SLC26A3: variants seen among roughly 807,000 people sequenced by gnomAD.
SLC26A3 encodes the protein chloride anion exchanger.
SLC26A3 carries 64 observed loss-of-function variants against 85.6 expected under a neutral mutation model. The ratio of observed to expected loss-of-function variants is 0.75; its 90% CI spans 0.61 to 0.92. The LOEUF (loss-of-function observed/expected upper bound fraction) is 0.92, where lower values mean the gene tolerates loss of function less well. Among genes scored for constraint, SLC26A3 ranks in the 40% least tolerant of loss-of-function variants. SLC26A3 has a pLI of 0.00. For synonymous variants in SLC26A3, 349 were observed against 336.0 expected (o/e 1.04, Z -0.42); for missense variants, 922 against 927.3 (o/e 0.99, Z 0.07).
rs981979 is a variant in SLC26A3, at chr7:107,775,412, G to C, written c.1678-540C>G. Among the ~76,000 whole-genome samples the C allele has an allele frequency of 1.1e-3, 174 of 152,012 alleles. 4 individuals carry two copies. In the South Asian group the frequency reaches 0.035, roughly 30 times the overall value. On this transcript the variant is annotated intron_variant, in intron 15 of 20. Coordinates refer to ENST00000340010, the MANE Select transcript of SLC26A3 (RefSeq NM_000111.3). Reference sequence around the variant, plus strand: ...TATTTAGTTACAGATAAGTAAGAGAGGAGGATCAAATTATGTAATAAAAAA... The same window carrying C: ...TATTTAGTTACAGATAAGTAAGAGACGAGGATCAAATTATGTAATAAAAAA...
intron 18 of SLC26A3, among the ~76,000 whole-genome samples, chr7:107,768,587 C>T (rs532825924): frequency 7.2e-5 from 11 of 152,242 alleles, no homozygotes; most frequent in Middle Eastern, 3.4e-3. Context: ...TGACAGAAAA[C>T]GTGTGGTATA....
chr7:107,774,243 T>A, intron 16 of SLC26A3, 90 bp from the exon 17 acceptor site: 1 of 1,068,836 alleles, frequency 9.4e-7, no homozygotes, highest in Non-Finnish European at 1.4e-6. Context: ...AAGCACTGAT[T>A]CTGAGTTGAG....
rs762974448 is a variant in SLC26A3, at chr7:107,767,737, A to C, written c.2205+29T>G. On this transcript the variant is annotated intron_variant, in intron 19 of 20. Transcript: ENST00000340010. ...AAGGAGTGCAGATGGCTGCTTATGC[A>C]ATTGTGAAAGTCACCAAAGAGCTGA... The C allele has an allele frequency of 1.9e-6, 3 of 1,613,400 alleles. No individual in the cohort carries two copies. In the East Asian group the frequency reaches 6.7e-5, roughly 36 times the overall value.
Position 107,786,846 on chromosome 7 carries a change from C to G in SLC26A3, c.952G>C (p.Val318Leu). The change falls in exon 8 of 21, where the codon GTT becomes CTT. Residue 318 changes from valine to leucine, a missense_variant. Coordinates refer to ENST00000340010, the MANE Select transcript of SLC26A3 (RefSeq NM_000111.3). Reference sequence around the variant, plus strand: ...ACTTACCCAGGATTCATGTCCCCAACCACAGCCACTTTAAACCTGTTTTTA... The same window carrying G: ...ACTTACCCAGGATTCATGTCCCCAAGCACAGCCACTTTAAACCTGTTTTTA... ...DFKNRFKVAV[V>L]GDMNPGFQPP... 6.2e-7 allele frequency: 1 copy of G among 1,613,364 alleles called. No homozygotes were observed. The highest frequency in any genetic ancestry group is 8.5e-7 in the Non-Finnish European group (1 of 1,179,920).
chr7:107,779,573 T>C, intron 12 of SLC26A3, 95 bp downstream of exon 12: 1 of 1,037,030 alleles, frequency 9.6e-7, no homozygotes, highest in Non-Finnish European at 1.5e-6. Flanking sequence ...AGAAACAAAA[T>C]TTCACTTAGT....
chr7:107,791,763 G>A (rs1341591578), intron 4 of SLC26A3, 67 bp downstream of exon 4: 2 of 1,006,454 alleles, frequency 2.0e-6, no homozygotes, highest in Admixed American at 3.4e-5. Context: ...ATTGATAGAA[G>A]GTATGGCTAA....
intron 6 of SLC26A3, 122 bp downstream of exon 6, chr7:107,789,402 T>C: frequency 1.0e-6 from 1 of 996,140 alleles, no homozygotes; most frequent in South Asian, 1.5e-5. Context: ...TCTTTTTTAA[T>C]ATGAAAAAAT....
intron 1 of SLC26A3, among the ~76,000 whole-genome samples, chr7:107,800,007 G>A (rs554352385): frequency 2.0e-5 from 3 of 152,248 alleles, no homozygotes; most frequent in South Asian, 2.1e-4. Flanking sequence ...CTAGCTATCC[G>A]AGCTTCCTAG....
intron 1 of SLC26A3, 51 bp from the exon 2 acceptor site, chr7:107,794,648 C>T (rs1794466031): frequency 1.1e-6 from 1 of 902,204 alleles, no homozygotes; most frequent in Non-Finnish European, 1.8e-6. Flanking sequence ...TAATGTGATG[C>T]AATTTACAGA....
At position 107,779,652 on chromosome 7, in the gene SLC26A3, T is replaced by G; in HGVS notation, c.1407+16A>C. ...TGTGATTTATCTCTCTTTCAAATAC[T>G]ATTGCCTCTACTTACACAATCATAT... On this transcript the variant is annotated intron_variant, in intron 12 of 20. Transcript: ENST00000340010. 6.4e-7 allele frequency: 1 copy of G among 1,571,358 alleles called. No homozygotes were observed.
At chr7:107,781,066 T>C (rs1794207949) in intron 11 of SLC26A3, among the ~76,000 whole-genome samples, 1 of 152,170 alleles carries the variant, frequency 6.6e-6, no homozygotes, top group Admixed American at 6.5e-5. Context: ...CTAGTCAGTA[T>C]TCTACGGAAA....
Position 107,784,165 on chromosome 7 carries a change from G to A in SLC26A3, c.972-813C>T, listed in dbSNP as rs147067198. Among the ~76,000 whole-genome samples, 512 of 152,176 alleles carry A rather than the reference G, an allele frequency of 3.4e-3. 4 individuals carry two copies. Among genetic ancestry groups the A allele is most frequent in the African/African-American group, 0.012 (484 of 41,512 alleles). Reference sequence around the variant, plus strand: ...TGTTCCACATTTTGTGAATATCTATGGTAATACATTTTTATCTCTAATTTT... The same window carrying A: ...TGTTCCACATTTTGTGAATATCTATAGTAATACATTTTTATCTCTAATTTT... On this transcript the variant is annotated intron_variant, in intron 8 of 20. Transcript: ENST00000340010.
chr7:107,786,129 A>T (rs1584408500), intron 8 of SLC26A3, among the ~76,000 whole-genome samples: 1 of 152,104 alleles, frequency 6.6e-6, no homozygotes, highest in East Asian at 1.9e-4. Context: ...GAGTGTGCCT[A>T]TCTGGACTGC....
intron 11 of SLC26A3, among the ~76,000 whole-genome samples, chr7:107,781,069 T>C (rs187937176): frequency 1.3e-5 from 2 of 152,280 alleles, no homozygotes; most frequent in East Asian, 3.9e-4. Context: ...GTCAGTATTC[T>C]ACGGAAAAAC....
At chr7:107,792,705 C>A (rs1052680182) in intron 3 of SLC26A3, among the ~76,000 whole-genome samples, 19 of 152,138 alleles carry the variant, frequency 1.2e-4, no homozygotes, top group African/African-American at 3.6e-4. Context: ...GACTGGGGAC[C>A]CCTGGCATAA....
chr7:107,771,812 A>G (rs993167970), intron 18 of SLC26A3, among the ~76,000 whole-genome samples: 2 of 152,210 alleles, frequency 1.3e-5, no homozygotes, highest in Admixed American at 6.5e-5. Context: ...AATAGTTAAC[A>G]TGTTCCTCCT....
chr7:107,799,279 G>C (rs1794562099), intron 1 of SLC26A3, among the ~76,000 whole-genome samples: 1 of 152,334 alleles, frequency 6.6e-6, no homozygotes, highest in East Asian at 1.9e-4. Flanking sequence ...CAACAGAAAA[G>C]AGTGAGACTT....
chr7:107,791,853 C>T lies in SLC26A3; in HGVS notation c.359G>A (p.Gly120Asp). The change falls in exon 4 of 21, where the codon GGC becomes GAC. Residue 120 changes from glycine to aspartate, a missense_variant. Physicochemically the swap from Gly to Asp is moderately conservative, Grantham distance 94. Coordinates refer to ENST00000340010, the MANE Select transcript of SLC26A3 (RefSeq NM_000111.3). ...FFPAIIYLFF[G>D]TSRHISVGPF... Reference sequence around the variant, plus strand: ...ACCCACGGATATGTGTCTGGAAGTGCCGAAGAAAAGGTAGATTATGGCTGG... The same window carrying T: ...ACCCACGGATATGTGTCTGGAAGTGTCGAAGAAAAGGTAGATTATGGCTGG... 1.2e-6 allele frequency: 2 copies of T among 1,612,338 alleles called. No individual in the cohort carries two copies. Among genetic ancestry groups the T allele is most frequent in the Non-Finnish European group, 8.5e-7 (1 of 1,178,556 alleles).
intron 18 of SLC26A3, 73 bp downstream of exon 18, chr7:107,771,981 G>T (rs1584401510): frequency 3.1e-6 from 3 of 961,366 alleles, no homozygotes; most frequent in East Asian, 4.8e-5. Flanking sequence ...CTTTGGAGAG[G>T]CTGTCTAGAC....
Sources: allele counts gnomAD v4.1 joint callset (sites outside exome capture counted in the v4.1 genomes callset), GRCh38; gene constraint gnomAD v4.1.1; transcripts MANE v1.5; gene names NCBI Gene and HGNC (gene_info 2026-07-23, HGNC 2026-07-21).